FRS3: variants seen among roughly 807,000 people sequenced by gnomAD.
FRS3 encodes FGFR substrate 3.
FRS3 carries 17 observed loss-of-function variants against 41.9 expected under a neutral mutation model. The observed-to-expected ratio is 0.41, with a 90% CI of 0.28 to 0.61. The LOEUF is 0.61. FRS3 is among the 20% of genes least tolerant of loss of function. FRS3 has a pLI of 0.36. For missense variants in FRS3, 619 were observed against 672.1 expected (o/e 0.92, Z 0.87); for synonymous variants, 287 against 274.5 (o/e 1.05, Z -0.45).
At chr6:41,776,858 T>C in intron 3 of FRS3, 64 bp downstream of exon 3, 2 of 1,331,228 alleles carry the variant, frequency 1.5e-6, no homozygotes, top group South Asian at 1.2e-5. Flanking sequence ...GGCAACTCCA[T>C]TAAATTGTGT....
Position 41,770,469 on chromosome 6 carries a change from A to T in FRS3, c.*150T>A, listed in dbSNP as rs1581965829. 2 of 691,236 alleles carry T rather than the reference A, an allele frequency of 2.9e-6. No individual in the cohort carries two copies. Among genetic ancestry groups the T allele is most frequent in the Non-Finnish European group, 4.9e-6 (2 of 404,806 alleles). 42.8% of individuals were successfully genotyped at this position (691,236 alleles called of 1,614,324 possible). A position where few individuals can be genotyped will look rare whatever the true frequency, so the allele number is the denominator to read the frequency against. ...GACTCGGTGGCTGATATCTCTGGGG[A>T]CTCCAGCCAGCACAGGGAAGCATCT... On this transcript the variant is annotated 3_prime_UTR_variant, in exon 7 of 7. Transcript: ENST00000373018.
At position 41,770,374 on chromosome 6, in the gene FRS3, T is replaced by TCA. The variant is rs1285612782; in HGVS notation, c.*243_*244dup. The TCA allele has an allele frequency of 1.7e-6, 1 of 575,794 alleles. No homozygotes were observed. Among genetic ancestry groups the TCA allele is most frequent in the Non-Finnish European group, 3.1e-6 (1 of 323,940 alleles). 35.7% of individuals were successfully genotyped at this position (575,794 alleles called of 1,614,324 possible). A position where few individuals can be genotyped will look rare whatever the true frequency, so the allele number is the denominator to read the frequency against. Reference sequence around the variant, plus strand: ...CGCTAAACGCAATCACAGGAACCCTTCACAGTTGACGTCTCGGCTCCCTCC... The same window carrying TCA: ...CGCTAAACGCAATCACAGGAACCCTTCACACAGTTGACGTCTCGGCTCCCTCC... On this transcript the variant is annotated 3_prime_UTR_variant, in exon 7 of 7. Coordinates refer to ENST00000373018, the MANE Select transcript of FRS3 (RefSeq NM_006653.5).
chr6:41,778,917 C>T (rs1165048382), intron 1 of FRS3, among the ~76,000 whole-genome samples: 1 of 152,184 alleles, frequency 6.6e-6, no homozygotes, highest in East Asian at 1.9e-4. Flanking sequence ...TCTGCAGACC[C>T]TGGACATCCC....
rs143393687 is a variant in FRS3, at chr6:41,770,385, G to A, written c.*234C>T. The A allele has an allele frequency of 1.9e-5, 11 of 583,098 alleles. No individual in the cohort carries two copies. The highest frequency in any genetic ancestry group is 6.3e-5 in the Admixed American group (2 of 31,634). 36.1% of individuals were successfully genotyped at this position (583,098 alleles called of 1,614,324 possible). ...ATCACAGGAACCCTTCACAGTTGAC[G>A]TCTCGGCTCCCTCCTCGCCTGGTCA... is the stretch of plus-strand genomic sequence containing the variant. On this transcript the variant is annotated 3_prime_UTR_variant, in exon 7 of 7. Coordinates refer to ENST00000373018, the MANE Select transcript of FRS3 (RefSeq NM_006653.5).
chr6:41,772,811 G>C lies in FRS3; in HGVS notation c.402C>G (p.Pro134=), dbSNP rs1772331300. ...HPAELDLPRA[P]QPPNALGYTV... is the part of the protein sequence containing the mutation. ...GGGTCTCCTCACCATTGGGTGGCTG[G>C]GGGGCTCGAGGGAGGTCAAGCTCAG... is the stretch of plus-strand genomic sequence containing the variant. The change falls in exon 5 of 7, where the codon CCC becomes CCG. Residue 134 remains proline, a synonymous_variant. Transcript: ENST00000373018. 6.2e-7 allele frequency: 1 copy of C among 1,609,874 alleles called. No individual in the cohort carries two copies. The highest frequency in any genetic ancestry group is 8.5e-7 in the Non-Finnish European group (1 of 1,179,250).
At position 41,770,921 on chromosome 6, in the gene FRS3, G is replaced by A. The variant is rs201392291; in HGVS notation, c.1177C>T (p.Arg393Cys). The change falls in exon 7 of 7, where the codon CGC (arginine) becomes TGC (cysteine). Residue 393 changes from arginine to cysteine, a missense_variant. Arg to Cys is a radical substitution (Grantham distance 180). Around this residue, in one of 3 missense-constraint regions of FRS3, gnomAD observed 487 missense variants for 478.3 expected, o/e 1.02. Coordinates refer to ENST00000373018, the MANE Select transcript of FRS3 (RefSeq NM_006653.5). ...TTGAAGACCCTTGGGGAGCCGCGGC[G>A]GCGGGTCAGTGGCACAGGAAAGCTG... ...HGSFPVPLTR[R>C]RGSPRVFNFD... is the part of the protein sequence containing the mutation. 1.3e-4 allele frequency: 213 copies of A among 1,612,006 alleles called. No homozygotes were observed. The African/African-American group carries it at 1.7e-3, about 13-fold the overall frequency.
At chr6:41,778,300 C>T (rs985834613) in intron 1 of FRS3, 124 bp from the exon 2 acceptor site, 14 of 152,326 alleles carry the variant, frequency 9.2e-5, no homozygotes, top group African/African-American at 3.1e-4. Context: ...GGGACAAAAA[C>T]ACCAATGAAG....
chr6:41,770,716 T>C lies in FRS3; in HGVS notation c.1382A>G (p.Lys461Arg). The C allele has an allele frequency of 6.2e-7, 1 of 1,614,000 alleles. No homozygotes were observed. The highest frequency in any genetic ancestry group is 8.5e-7 in the Non-Finnish European group (1 of 1,180,016). ...SSDSYAVIDL[K>R]KTVAMSNLQR... Reference sequence around the variant, plus strand: ...CAGGTTGGACATGGCCACGGTCTTTTTGAGGTCAATCACGGCGTAGGAGTC... The same window carrying C: ...CAGGTTGGACATGGCCACGGTCTTTCTGAGGTCAATCACGGCGTAGGAGTC... Residue 461 changes from lysine (K) to arginine (R), a missense_variant, in exon 7 of 7, where the codon AAA becomes AGA. Coordinates refer to ENST00000373018, the MANE Select transcript of FRS3 (RefSeq NM_006653.5).
chr6:41,776,157 T>C (rs1772405832), intron 3 of FRS3, among the ~76,000 whole-genome samples: 2 of 152,152 alleles, frequency 1.3e-5, no homozygotes, highest in Non-Finnish European at 2.9e-5. Context: ...TACAGAGAGG[T>C]GGGCAGGGGA....
At chr6:41,778,828 A>C (rs1048961931) in intron 1 of FRS3, among the ~76,000 whole-genome samples, 19 of 152,228 alleles carry the variant, frequency 1.2e-4, no homozygotes, top group Admixed American at 9.8e-4. Context: ...TGAAAGGCCT[A>C]ATTTTAACAT....
chr6:41,779,439 G>A (rs1444094935), intron 1 of FRS3, among the ~76,000 whole-genome samples: 4 of 152,002 alleles, frequency 2.6e-5, no homozygotes, highest in African/African-American at 9.7e-5. Context: ...GGCAGTGGAA[G>A]CATTTGGGGG....
chr6:41,771,532 G>A lies in FRS3; in HGVS notation c.566C>T (p.Ser189Phe), dbSNP rs760799697. 1.3e-6 allele frequency: 2 copies of A among 1,527,420 alleles called. No individual in the cohort carries two copies. Among genetic ancestry groups the A allele is most frequent in the African/African-American group, 2.8e-5 (2 of 72,624 alleles). 94.6% of individuals were successfully genotyped at this position (1,527,420 alleles called of 1,614,324 possible). A position where few individuals can be genotyped will look rare whatever the true frequency, so the allele number is the denominator to read the frequency against. ...THALIAPDEQ[S>F]HTYVNTPASE... ...GGCCGGTGTGTTGACATAGGTGTGG[G>A]ACTGGGGAAAGAGTCCAAGTGAGGC... The change falls in exon 7 of 7, where the codon TCC (serine) becomes TTC (phenylalanine). Residue 189 changes from serine (S) to phenylalanine (F), a missense_variant and splice_region_variant. Physicochemically the swap from Ser to Phe is radical, Grantham distance 155. Coordinates refer to ENST00000373018, the MANE Select transcript of FRS3 (RefSeq NM_006653.5).
In FRS3 at chr6:41,776,946, T is replaced by C. The variant is rs766278985; in HGVS notation, c.42A>G (p.Pro14=). The part of the protein sequence containing the change: ...CCSCLNRDSV[P]DNHPTKFKVT... ...CCTTGAACTTGGTGGGGTGGTTGTC[T>C]GGAACGCTGTCTCTGTTCAGGCAGC... The change falls in exon 3 of 7, where the codon CCA becomes CCG. Residue 14 remains proline, a synonymous_variant. Coordinates refer to ENST00000373018, the MANE Select transcript of FRS3 (RefSeq NM_006653.5). The C allele has an allele frequency of 3.7e-6, 6 of 1,614,052 alleles. No homozygotes were observed. The highest frequency in any genetic ancestry group is 5.1e-6 in the Non-Finnish European group (6 of 1,180,014).
chr6:41,773,030 G>T, intron 4 of FRS3, 71 bp from the exon 5 acceptor site: 1 of 1,317,156 alleles, frequency 7.6e-7, no homozygotes, highest in Non-Finnish European at 1.1e-6. Context: ...GATGCACAAT[G>T]TGCAGGAAAT....
In FRS3 at chr6:41,771,036, T is replaced by A; in HGVS notation, c.1062A>T (p.Thr354=). ...CATCAGGGAAGCCATTGGAAGAGGG[T>A]GTGAGCCCATCCCTCGAGTCCCCAT... ...GDDGDSRDGL[T]PSSNGFPDGE... is the part of the protein sequence containing the mutation. The change falls in exon 7 of 7, where the codon ACA becomes ACT. Residue 354 remains threonine (T), a synonymous_variant. Transcript: ENST00000373018. 1 of 1,611,798 alleles carries A rather than the reference T, an allele frequency of 6.2e-7. No homozygotes were observed. The highest frequency in any genetic ancestry group is 8.5e-7 in the Non-Finnish European group (1 of 1,178,868).
At position 41,770,449 on chromosome 6, in the gene FRS3, G is replaced by A. The variant is rs982109876; in HGVS notation, c.*170C>T. 3 of 639,168 alleles carry A rather than the reference G, an allele frequency of 4.7e-6. No homozygotes were observed. Among genetic ancestry groups the A allele is most frequent in the African/African-American group, 1.8e-5 (1 of 54,542 alleles). 39.6% of individuals were successfully genotyped at this position (639,168 alleles called of 1,614,324 possible). ...AGCCTGGAGACAGACCAGGAGACTC[G>A]GTGGCTGATATCTCTGGGGACTCCA... On this transcript the variant is annotated 3_prime_UTR_variant, in exon 7 of 7. Transcript: ENST00000373018.
intron 4 of FRS3, among the ~76,000 whole-genome samples, chr6:41,775,095 G>C (rs1772381825): frequency 6.6e-6 from 1 of 152,180 alleles, no homozygotes; most frequent in African/African-American, 2.4e-5. Flanking sequence ...AGAGAAGCTT[G>C]TTCATTCCAC....
In FRS3 at chr6:41,771,450, C is replaced by A; in HGVS notation, c.648G>T (p.Gln216His). ...RHCLQPLPEGQAPFLPQARGP... is the reference protein window; with the variant it reads ...RHCLQPLPEGHAPFLPQARGP... ...CCCGGGCCTGCGGGAGGAAGGGTGC[C>A]TGACCCTCAGGCAGGGGCTGCAGGC... The change falls in exon 7 of 7, where the codon CAG becomes CAT. Residue 216 changes from glutamine (Q) to histidine (H), a missense_variant. Coordinates refer to ENST00000373018, the MANE Select transcript of FRS3 (RefSeq NM_006653.5). 6.2e-7 allele frequency: 1 copy of A among 1,609,006 alleles called. No individual in the cohort carries two copies.
chr6:41,777,105 C>T (rs1772428557), intron 2 of FRS3, 95 bp from the exon 3 acceptor site: 3 of 810,200 alleles, frequency 3.7e-6, no homozygotes, highest in Non-Finnish European at 6.3e-6. Context: ...TTGTGATCAC[C>T]TACTCTGTCC....
Sources: allele counts gnomAD v4.1 joint callset (sites outside exome capture counted in the v4.1 genomes callset), GRCh38; gene constraint gnomAD v4.1.1; regional missense constraint gnomAD v4.1.1; transcripts MANE v1.5; gene names NCBI Gene and HGNC (gene_info 2026-07-23, HGNC 2026-07-21).